The following DNAJC3 variants were observed in gnomAD, a reference collection of about 807,000 sequenced individuals.
DNAJC3 encodes dnaJ homolog subfamily C member 3.
Under a neutral mutation model 68.6 loss-of-function variants are expected in DNAJC3, and 38 were observed. The observed-to-expected ratio is 0.55, with a 90% CI of 0.43 to 0.73. The LOEUF (loss-of-function observed/expected upper bound fraction) is 0.73. Ranked by LOEUF, DNAJC3 falls within the 30% of genes least tolerant of loss-of-function variation. The pLI is 0.00. For missense variants in DNAJC3, 526 were observed against 591.9 expected, an observed-to-expected ratio of 0.89 and a Z score of 1.16; for synonymous variants, 203 against 204.0, an observed-to-expected ratio of 1.00 and a Z score of 0.04.
intron 1 of DNAJC3, among the ~76,000 whole-genome samples, chr13:95,687,183 T>C (rs1880094678): frequency 6.6e-6 from 1 of 152,194 alleles, no homozygotes; most frequent in Admixed American, 6.5e-5. Flanking sequence ...TTGAATATTG[T>C]TGGTGTATAG....
chr13:95,684,930 TG>T (rs1880030589), intron 1 of DNAJC3, among the ~76,000 whole-genome samples: 2 of 152,232 alleles, frequency 1.3e-5, no homozygotes, highest in South Asian at 4.1e-4. Flanking sequence ...TGGAAAAGCC[TG>T]GATGTTCAGG....
At chr13:95,764,683 T>TATACACACAC (rs36030034) in intron 9 of DNAJC3, among the ~76,000 whole-genome samples, 1 of 88,264 alleles carries the variant, frequency 1.1e-5, no homozygotes, top group African/African-American at 5.0e-5. Flanking sequence ...TATATATATA[T>TATACACACAC]ACACACACAC....
At chr13:95,712,911 T>TAATTTAATC (rs1881019952) in intron 2 of DNAJC3, among the ~76,000 whole-genome samples, 1 of 152,066 alleles carries the variant, frequency 6.6e-6, no homozygotes, top group Non-Finnish European at 1.5e-5. Flanking sequence ...CAGTGGGAGT[T>TAATTTAATC]AATTTAATCA....
intron 9 of DNAJC3, among the ~76,000 whole-genome samples, chr13:95,783,730 T>G (rs146417186): frequency 0.013 from 1,955 of 152,288 alleles, 50 homozygotes; most frequent in African/African-American, 0.045. Context: ...TGTCAAAATC[T>G]GTTAGTCTTG....
At chr13:95,773,142 G>T (rs908845296) in intron 9 of DNAJC3, among the ~76,000 whole-genome samples, 11 of 123,728 alleles carry the variant, frequency 8.9e-5, no homozygotes, top group South Asian at 2.7e-4. Context: ...GATGGTTTTT[G>T]ACAAATTTAG....
rs764757984 is a variant in DNAJC3 at position 95,677,355 on chromosome 13, C to G, written c.82+18C>G. ...GTACGAAGGTGAGTCCTGCCCTGCC[C>G]CGGCCAGGAAGTGGGCTCCCGGACC... On this transcript the variant is annotated intron_variant, in intron 1 of 11. Transcript: ENST00000602402. The G allele has an allele frequency of 6.3e-7, 1 of 1,575,128 alleles. No homozygotes were observed. Among genetic ancestry groups the G allele is most frequent in the South Asian group, 1.1e-5 (1 of 87,446 alleles).
chr13:95,760,602 T>C (rs1379436301), intron 6 of DNAJC3, 77 bp from the exon 7 acceptor site: 1 of 1,525,630 alleles, frequency 6.6e-7, no homozygotes, highest in Admixed American at 2.3e-5. Flanking sequence ...AAAAATACTT[T>C]TATTGTGATT....
intron 2 of DNAJC3, among the ~76,000 whole-genome samples, chr13:95,709,939 A>T (rs1880902831): frequency 6.6e-6 from 1 of 152,066 alleles, no homozygotes; most frequent in African/African-American, 2.4e-5. Flanking sequence ...GCGCCCGGCC[A>T]GCTTCTGACT....
chr13:95,771,958 G>A (rs1478290877), intron 9 of DNAJC3, among the ~76,000 whole-genome samples: 6 of 152,000 alleles, frequency 3.9e-5, no homozygotes, highest in East Asian at 1.9e-4. Flanking sequence ...ACATGTTTTC[G>A]CAGTTTATTC....
In DNAJC3 at chr13:95,791,766, A is replaced by G. The variant is rs894843621; in HGVS notation, c.*736A>G. On this transcript the variant is annotated 3_prime_UTR_variant, in exon 12 of 12. Coordinates refer to ENST00000602402, the MANE Select transcript of DNAJC3 (RefSeq NM_006260.5). ...TTTTAATATTAAACACAACAAATTA[A>G]AAGTTGTTATAGGTAAAATAAGTTC... 3.9e-5 allele frequency: 6 copies of G among 152,242 alleles called. No homozygotes were observed. Among genetic ancestry groups the G allele is most frequent in the Non-Finnish European group, 8.8e-5 (6 of 68,046 alleles). 9.4% of individuals were successfully genotyped at this position (152,242 alleles called of 1,614,324 possible).
At chr13:95,768,335 T>G (rs1440699001) in intron 9 of DNAJC3, among the ~76,000 whole-genome samples, 1 of 152,174 alleles carries the variant, frequency 6.6e-6, no homozygotes, top group Non-Finnish European at 1.5e-5. Flanking sequence ...CTGTACTCAT[T>G]TTCAGGTTGT....
intron 9 of DNAJC3, among the ~76,000 whole-genome samples, chr13:95,775,774 CA>C (rs1883275029): frequency 6.6e-6 from 1 of 152,192 alleles, no homozygotes; most frequent in Non-Finnish European, 1.5e-5. Flanking sequence ...TTTCACCAAC[CA>C]GGGTCAGATA....
intron 1 of DNAJC3, chr13:95,695,187 T>C (rs1880402285): frequency 6.6e-6 from 1 of 152,212 alleles, no homozygotes; most frequent in Admixed American, 6.5e-5. Flanking sequence ...CAGGATCCAG[T>C]AACCCTTCAG....
intron 4 of DNAJC3, among the ~76,000 whole-genome samples, chr13:95,740,460 G>A (rs555121761): frequency 9.7e-4 from 147 of 152,210 alleles, no homozygotes; most frequent in African/African-American, 3.3e-3. Context: ...AGCAATCAGC[G>A]AGACTCCGTG....
Position 95,763,970 on chromosome 13 carries a change from T to C in DNAJC3, c.1075+17T>C, listed in dbSNP as rs1273087156. On this transcript the variant is annotated intron_variant, in intron 9 of 11. Coordinates refer to ENST00000602402, the MANE Select transcript of DNAJC3 (RefSeq NM_006260.5). ...ATGATGAAGGTAAATCTTTAAGGAT[T>C]TGATTTGCAGTACCGAAGTGTTGAT... The C allele has an allele frequency of 2.5e-6, 4 of 1,612,988 alleles. No individual in the cohort carries two copies. Among genetic ancestry groups the C allele is most frequent in the Non-Finnish European group, 3.4e-6 (4 of 1,179,578 alleles).
chr13:95,756,555 T>TCCTGGA lies in DNAJC3; in HGVS notation c.394-1089_394-1088insCCTGGA, dbSNP rs1882671620. 2.0e-5 allele frequency among the ~76,000 whole-genome samples: 3 copies of TCCTGGA among 152,350 alleles called. No homozygotes were observed. In the South Asian group the frequency reaches 6.2e-4, roughly 32 times the overall value. The stretch of plus-strand genomic sequence containing the variant: ...ATAAAGTTTCTCATTTGGAGTGTTC[T>TCCTGGA]GTCCCACCAGGTTGGTAGTGGGAGT... On this transcript the variant is annotated intron_variant, in intron 4 of 11. Coordinates refer to ENST00000602402, the MANE Select transcript of DNAJC3 (RefSeq NM_006260.5).
intron 4 of DNAJC3, among the ~76,000 whole-genome samples, chr13:95,726,132 C>T (rs1013554060): frequency 2.6e-5 from 4 of 151,940 alleles, no homozygotes; most frequent in African/African-American, 9.7e-5. Context: ...CCGCAATAAA[C>T]ATACGTGTGC....
chr13:95,787,401 C>T (rs1329544656), intron 11 of DNAJC3, among the ~76,000 whole-genome samples: 1 of 152,200 alleles, frequency 6.6e-6, no homozygotes, highest in Non-Finnish European at 1.5e-5. Flanking sequence ...CTTTTTTCTA[C>T]TCAAAGAAGT....
intron 9 of DNAJC3, among the ~76,000 whole-genome samples, chr13:95,779,854 A>G (rs1209994404): frequency 1.3e-5 from 2 of 152,194 alleles, no homozygotes; most frequent in African/African-American, 4.8e-5. Flanking sequence ...TCTGATGAAC[A>G]TTCATTAGAT....
Sources: gnomAD v4.1 joint callset for allele counts (sites outside exome capture counted in the v4.1 genomes callset) on GRCh38, gnomAD v4.1.1 for gene constraint, MANE v1.5 for transcripts, NCBI Gene and HGNC (gene_info 2026-07-23, HGNC 2026-07-21) for gene names.